The following VWDE variants were observed in gnomAD, a reference collection of about 807,000 sequenced individuals.
VWDE encodes von Willebrand factor D and EGF domain-containing protein.
VWDE carries 207 observed loss-of-function variants against 178.4 expected under a neutral mutation model. The observed-to-expected ratio is 1.16, with a 90% CI of 1.04 to 1.30. The LOEUF is 1.30. VWDE is among the 50% of genes most tolerant of loss of function. The pLI is 0.00. For synonymous variants in VWDE, 738 were observed against 651.4 expected (o/e 1.13, Z -2.02); for missense variants, 2,287 against 1,901.3 (o/e 1.20, Z -3.77).
At chr7:12,336,776 C>A (rs1218341983) in intron 26 of VWDE, among the ~76,000 whole-genome samples, 1 of 152,070 alleles carries the variant, frequency 6.6e-6, no homozygotes, top group Admixed American at 6.5e-5. Context: ...CTGAAAAATA[C>A]AAGATATCCT....
chr7:12,336,883 A>T (rs1421794102), intron 26 of VWDE, 105 bp downstream of exon 26: 6 of 1,130,338 alleles, frequency 5.3e-6, no homozygotes, highest in African/African-American at 4.7e-5. Flanking sequence ...CAAAAATTTT[A>T]AAAAGACCAA....
rs570893833 is a variant in VWDE, at chr7:12,342,006, G to T, written c.4270+53C>A. 48 of 1,400,964 alleles carry T rather than the reference G, an allele frequency of 3.4e-5. 1 individual carries two copies. In the South Asian group the frequency reaches 5.6e-4, roughly 16 times the overall value. 86.8% of individuals were successfully genotyped at this position (1,400,964 alleles called of 1,614,324 possible). On this transcript the variant is annotated intron_variant, in intron 23 of 28. Transcript: ENST00000275358. ...CTTAGGTGCACGTCTTCAGGACATT[G>T]GCATATTTTAACTTTTAATTGACAT...
At chr7:12,403,315 A>G (rs1323666886) in intron 1 of VWDE, among the ~76,000 whole-genome samples, 1 of 152,198 alleles carries the variant, frequency 6.6e-6, no homozygotes, top group Non-Finnish European at 1.5e-5. Context: ...ACTTGCGGCT[A>G]GCATACCTTG....
rs73678123 is a variant in VWDE at position 12,357,594 on chromosome 7, T to C, written c.3275-79A>G. The C allele has an allele frequency of 3.8e-3, 5,604 of 1,457,298 alleles. 175 individuals are homozygous for C. The African/African-American group carries it at 0.069, about 18-fold the overall frequency. The allele number at this position is 1,457,298 out of a possible 1,614,324, so 90.3% of individuals were successfully genotyped here. On this transcript the variant is annotated intron_variant, in intron 16 of 28. Transcript: ENST00000275358. ...GTACTTCTGAGAGCTCCCACAGAGA[T>C]ATGCATTTTGATAAAGACTGAACTC...
intron 12 of VWDE, among the ~76,000 whole-genome samples, chr7:12,369,018 CTT>C (rs35921952): frequency 6.6e-6 from 1 of 152,060 alleles, no homozygotes; most frequent in African/African-American, 2.4e-5. Context: ...GGAAACAAAA[CTT>C]TTTACAGTTT....
Position 12,343,234 on chromosome 7 carries a change from A to G in VWDE, c.4079-56T>C, listed in dbSNP as rs890427382. The G allele has an allele frequency of 5.1e-5, 64 of 1,256,386 alleles. No individual in the cohort carries two copies. In the African/African-American group the frequency reaches 8.5e-4, roughly 17 times the overall value. 77.8% of individuals were successfully genotyped at this position (1,256,386 alleles called of 1,614,324 possible). On this transcript the variant is annotated intron_variant, in intron 21 of 28. Coordinates refer to ENST00000275358, the MANE Select transcript of VWDE (RefSeq NM_001135924.3). Reference sequence around the variant, plus strand: ...TTCTTAATTTTTAAAAAGTCAGTTTATATTTATAAAGCACTGTCACAATAA... The same window carrying G: ...TTCTTAATTTTTAAAAAGTCAGTTTGTATTTATAAAGCACTGTCACAATAA...
At chr7:12,344,507 A>G in intron 19 of VWDE, 38 bp from the exon 20 acceptor site, 5 of 1,470,994 alleles carry the variant, frequency 3.4e-6, no homozygotes, top group Non-Finnish European at 4.6e-6. Context: ...TGATTGCTAA[A>G]ACAGAACATA....
intron 19 of VWDE, among the ~76,000 whole-genome samples, chr7:12,347,442 A>G (rs73296522): frequency 0.016 from 2,466 of 152,280 alleles, 61 homozygotes; most frequent in African/African-American, 0.056. Flanking sequence ...CATAAAAATT[A>G]CAAAATACAA....
intron 19 of VWDE, among the ~76,000 whole-genome samples, chr7:12,347,007 A>C (rs1781641727): frequency 6.6e-6 from 1 of 152,182 alleles, no homozygotes; most frequent in African/African-American, 2.4e-5. Flanking sequence ...TGAAACATAA[A>C]AAGCATATGG....
intron 10 of VWDE, among the ~76,000 whole-genome samples, chr7:12,371,407 G>C (rs1783193167): frequency 6.6e-6 from 1 of 151,992 alleles, no homozygotes; most frequent in Non-Finnish European, 1.5e-5. Context: ...GACCCTAGTA[G>C]CCTGTGCAAT....
rs1583301858 is a variant in VWDE, at chr7:12,359,526, C to A, written c.3274+52G>T. The A allele has an allele frequency of 8.1e-5, 106 of 1,308,092 alleles. 1 individual carries two copies. The South Asian group carries it at 1.3e-3, about 16-fold the overall frequency. The allele number at this position is 1,308,092 out of a possible 1,614,324, so 81.0% of individuals were successfully genotyped here. On this transcript the variant is annotated intron_variant, in intron 16 of 28. Coordinates refer to ENST00000275358, the MANE Select transcript of VWDE (RefSeq NM_001135924.3). ...TTACGTAACTTCTGGCTGAAAACCA[C>A]TTTTAAAATGTCTTGTATAGGAAAT...
chr7:12,333,218 T>G (rs1269154210), intron 28 of VWDE, among the ~76,000 whole-genome samples: 2 of 152,158 alleles, frequency 1.3e-5, no homozygotes, highest in African/African-American at 2.4e-5. Context: ...AACTACAGTG[T>G]CATGAAATAC....
intron 19 of VWDE, among the ~76,000 whole-genome samples, chr7:12,347,590 C>T (rs1383738051): frequency 6.6e-6 from 1 of 151,970 alleles, no homozygotes; most frequent in Non-Finnish European, 1.5e-5. Context: ...TATATCTCAA[C>T]ATATAAGGGA....
At position 12,355,394 on chromosome 7, in the gene VWDE, C is replaced by T. The variant is rs189039058; in HGVS notation, c.3745+717G>A. Among the ~76,000 whole-genome samples the T allele has an allele frequency of 3.5e-3, 490 of 140,918 alleles. 8 individuals carry two copies. Among genetic ancestry groups the T allele is most frequent in the African/African-American group, 0.013 (464 of 36,882 alleles). 92.4% of individuals were successfully genotyped at this position (140,918 alleles called of 152,430 possible). A position where few individuals can be genotyped will look rare whatever the true frequency, so the allele number is the denominator to read the frequency against. Reference sequence around the variant, plus strand: ...CGGCGCCACTGCACTCCAGCCTGGGCGACAGAGTGAAACTCCGTCTCAAAA... The same window carrying T: ...CGGCGCCACTGCACTCCAGCCTGGGTGACAGAGTGAAACTCCGTCTCAAAA... On this transcript the variant is annotated intron_variant, in intron 18 of 28. Coordinates refer to ENST00000275358, the MANE Select transcript of VWDE (RefSeq NM_001135924.3).
chr7:12,398,196 A>G (rs972068875), intron 1 of VWDE, among the ~76,000 whole-genome samples: 1 of 152,132 alleles, frequency 6.6e-6, no homozygotes, highest in African/African-American at 2.4e-5. Context: ...AAGAAAATGT[A>G]GTATACCTGA....
At chr7:12,340,121 C>A (rs1319670253) in intron 24 of VWDE, among the ~76,000 whole-genome samples, 1 of 152,034 alleles carries the variant, frequency 6.6e-6, no homozygotes, top group African/African-American at 2.4e-5. Context: ...TTCAATATAT[C>A]GAGTAAATAT....
At chr7:12,393,143 G>A (rs1162871513) in intron 2 of VWDE, among the ~76,000 whole-genome samples, 2 of 152,160 alleles carry the variant, frequency 1.3e-5, no homozygotes, top group Admixed American at 6.5e-5. Flanking sequence ...GAAATGAAGT[G>A]ACAGGTAACA....
intron 19 of VWDE, among the ~76,000 whole-genome samples, 198 bp downstream of exon 19, chr7:12,351,375 T>C (rs191450160): frequency 1.3e-5 from 2 of 152,238 alleles, no homozygotes; most frequent in African/African-American, 2.4e-5. Flanking sequence ...TTAGAGGACA[T>C]AAACGCATTT....
At chr7:12,371,466 C>G (rs1271266511) in intron 10 of VWDE, among the ~76,000 whole-genome samples, 1 of 152,120 alleles carries the variant, frequency 6.6e-6, no homozygotes, top group African/African-American at 2.4e-5. Context: ...CTCTTCCAGA[C>G]CAGCCACTTT....
Sources: allele counts gnomAD v4.1 joint callset (sites outside exome capture counted in the v4.1 genomes callset), GRCh38; gene constraint gnomAD v4.1.1; transcripts MANE v1.5; gene names NCBI Gene and HGNC (gene_info 2026-07-23, HGNC 2026-07-21).